The following PMFBP1 variants were observed in gnomAD, a reference collection of about 807,000 sequenced individuals.
PMFBP1 encodes the protein polyamine-modulated factor 1-binding protein 1.
PMFBP1 carries 131 observed loss-of-function variants against 137.8 expected under a neutral mutation model. The ratio of observed to expected loss-of-function variants is 0.95; its 90% confidence interval spans 0.82 to 1.10. The LOEUF is 1.10. Among genes scored for constraint, PMFBP1 ranks in the 50% least tolerant of loss-of-function variants. PMFBP1 has a pLI of 0.00. For synonymous variants in PMFBP1, 490 were observed against 450.4 expected, an observed-to-expected ratio of 1.09 and a Z score of -1.11; for missense variants, 1,199 against 1,175.4, an observed-to-expected ratio of 1.02 and a Z score of -0.29.
intron 5 of PMFBP1, among the ~76,000 whole-genome samples, chr16:72,140,928 CTTTTT>C (rs35908141): frequency 2.9e-5 from 2 of 69,786 alleles, no homozygotes; most frequent in Non-Finnish European, 2.6e-5. Flanking sequence ...ACAAATGAGT[CTTTTT>C]TTTTTTTTTT....
chr16:72,215,720 G>A, the PMFBP1 span, among the ~76,000 whole-genome samples: 2 of 152,138 alleles, frequency 1.3e-5, no homozygotes, highest in African/African-American at 4.8e-5. Context: ...AGTACTCCCT[G>A]TAAAAACACA....
chr16:72,172,338 C>CT, upstream of PMFBP1: 1 of 151,558 alleles, frequency 6.6e-6, no homozygotes, highest in Non-Finnish European at 1.5e-5. Flanking sequence ...CAGTGGCTTA[C>CT]GACCGTGAAG....
chr16:72,208,682 T>C, the PMFBP1 span, among the ~76,000 whole-genome samples: 2 of 152,276 alleles, frequency 1.3e-5, no homozygotes, highest in South Asian at 4.1e-4. Context: ...TTAATTTTTC[T>C]GTGTGATTCG....
At chr16:72,175,859 T>C (rs2144542965), upstream of PMFBP1, among the ~76,000 whole-genome samples, 1 of 152,292 alleles carries the variant, frequency 6.6e-6, no homozygotes, top group Non-Finnish European at 1.5e-5. Flanking sequence ...TTTAAAAATG[T>C]GTGAGCCCCA....
At chr16:72,151,864 C>T (rs1451485267) in intron 4 of PMFBP1, among the ~76,000 whole-genome samples, 19 of 152,168 alleles carry the variant, frequency 1.2e-4, no homozygotes, top group Admixed American at 1.2e-3. Flanking sequence ...GAGGGCTTCT[C>T]TAATACCAGG....
chr16:72,241,339 G>T, the PMFBP1 span, among the ~76,000 whole-genome samples: 3 of 152,146 alleles, frequency 2.0e-5, no homozygotes, highest in Non-Finnish European at 2.9e-5. Flanking sequence ...TCTATTTATA[G>T]GTGTTCACTT....
chr16:72,171,111 A>G, intron 2 of PMFBP1, 86 bp downstream of exon 2: 1 of 1,438,564 alleles, frequency 7.0e-7, no homozygotes, highest in East Asian at 2.3e-5. Context: ...GATGCTTATT[A>G]CTGGAATTTT....
chr16:72,225,298 G>C, the PMFBP1 span, among the ~76,000 whole-genome samples: 2 of 152,150 alleles, frequency 1.3e-5, no homozygotes. Context: ...ATCCATGCTG[G>C]TCATGCACAA....
the PMFBP1 span, among the ~76,000 whole-genome samples, chr16:72,211,251 T>C: frequency 1.3e-5 from 2 of 152,250 alleles, no homozygotes; most frequent in African/African-American, 4.8e-5. Context: ...TAAAAATCAG[T>C]GACCAGAACA....
intron 2 of PMFBP1, among the ~76,000 whole-genome samples, chr16:72,168,838 GA>G (rs2043182201): frequency 6.6e-6 from 1 of 152,196 alleles, no homozygotes; most frequent in Non-Finnish European, 1.5e-5. Context: ...ATAACTATTA[GA>G]AAATAGGTTA....
Position 72,154,350 on chromosome 16 carries a change from A to G in PMFBP1, c.275T>C (p.Val92Ala). 3 of 1,614,188 alleles carry G rather than the reference A, an allele frequency of 1.9e-6. No homozygotes were observed. The highest frequency in any genetic ancestry group is 2.5e-6 in the Non-Finnish European group (3 of 1,180,014). The change falls in exon 4 of 21, where the codon GTC (valine) becomes GCC (alanine). Residue 92 changes from valine (V) to alanine (A), a missense_variant. Physicochemically the swap from Val to Ala is moderately conservative, Grantham distance 64. Coordinates refer to ENST00000237353, the MANE Select transcript of PMFBP1 (RefSeq NM_031293.3). ...QLQQLKKKLL[V>A]LQQELEFHTE... ...GTGAAACTCCAGTTCTTGTTGAAGGACCAGCAATTTTTTCTTCAGTTGCTG... is the reference window on the plus strand; with the variant it reads ...GTGAAACTCCAGTTCTTGTTGAAGGGCCAGCAATTTTTTCTTCAGTTGCTG...
rs750625977 is a variant in PMFBP1, at chr16:72,122,953, T to C, written c.2729A>G (p.Glu910Gly). ...ANEKLGNQLREQVKYIAKLSG... is the reference protein window; with the variant it reads ...ANEKLGNQLRGQVKYIAKLSG... Reference sequence around the variant, plus strand: ...CAGCTTGGCAATGTATTTCACCTGCTCTCGGAGCTGGTTTCCTAGTTTCTC... The same window carrying C: ...CAGCTTGGCAATGTATTTCACCTGCCCTCGGAGCTGGTTTCCTAGTTTCTC... The change falls in exon 19 of 21, where the codon GAG (glutamate) becomes GGG (glycine). Residue 910 changes from glutamate to glycine, a missense_variant. Coordinates refer to ENST00000237353, the MANE Select transcript of PMFBP1 (RefSeq NM_031293.3). The C allele has an allele frequency of 1.9e-6, 3 of 1,613,518 alleles. No individual in the cohort carries two copies. The highest frequency in any genetic ancestry group is 2.5e-6 in the Non-Finnish European group (3 of 1,179,992).
intron 3 of PMFBP1, chr16:72,164,352 C>A (rs941983828): frequency 9.7e-6 from 12 of 1,235,154 alleles, no homozygotes; most frequent in African/African-American, 9.3e-5. Flanking sequence ...CCCCCTGCTA[C>A]CCCAATGGAC....
rs983856757 is a variant in PMFBP1, at chr16:72,119,872, T to C, written c.2986A>G (p.Ile996Val). The change falls in exon 20 of 21, where the codon ATC (isoleucine) becomes GTC (valine). Residue 996 changes from isoleucine (I) to valine (V), a missense_variant. By Grantham distance (29) the Ile-to-Val change is conservative. Coordinates refer to ENST00000237353, the MANE Select transcript of PMFBP1 (RefSeq NM_031293.3). ...MGQRMDLTKY[I>V]GMPHCPGSSY... ...GTACCCGGGCAGTGGGGCATCCCGA[T>C]GTACTTGGTGAGGTCCATTCTTTGA... 2 of 1,614,050 alleles carry C rather than the reference T, an allele frequency of 1.2e-6. No homozygotes were observed. The highest frequency in any genetic ancestry group is 1.3e-5 in the African/African-American group (1 of 74,936).
Position 72,124,106 on chromosome 16 carries a change from G to A in PMFBP1, c.2590-457C>T, listed in dbSNP as rs547107462. Among the ~76,000 whole-genome samples the A allele has an allele frequency of 3.3e-5, 5 of 152,072 alleles. No homozygotes were observed. The South Asian group carries it at 8.3e-4, about 25-fold the overall frequency. On this transcript the variant is annotated intron_variant, in intron 17 of 20. Transcript: ENST00000237353. ...CTCATGGCAGCTTAACCTCCCCCCC[G>A]GCTCAAGCTATCCTCCCACTTAGCC...
At chr16:72,174,796 G>C (rs2043251708), upstream of PMFBP1, among the ~76,000 whole-genome samples, 2 of 152,078 alleles carry the variant, frequency 1.3e-5, no homozygotes, top group Non-Finnish European at 2.9e-5. Context: ...GAACAGCATG[G>C]GGGAAAACAC....
At chr16:72,200,042 C>T in the PMFBP1 span, among the ~76,000 whole-genome samples, 1 of 152,236 alleles carries the variant, frequency 6.6e-6, no homozygotes, top group Non-Finnish European at 1.5e-5. Flanking sequence ...ACATTTGGAT[C>T]TGGAGGGAGA....
Position 72,136,585 on chromosome 16 carries a change from C to T in PMFBP1, c.1066G>A (p.Asp356Asn), listed in dbSNP as rs2042635299. 1 of 1,613,956 alleles carries T rather than the reference C, an allele frequency of 6.2e-7. No homozygotes were observed. The highest frequency in any genetic ancestry group is 1.1e-5 in the South Asian group (1 of 91,064). ...IMKDMMKLELDLHGLREETSA... is the reference protein window; with the variant it reads ...IMKDMMKLELNLHGLREETSA... ...GTCTCCTCCCGCAGTCCGTGCAGGT[C>T]CAGCTCCAGCTTCATCATGTCTACC... is the stretch of plus-strand genomic sequence containing the variant. Residue 356 changes from aspartate to asparagine, a missense_variant, in exon 9 of 21, where the codon GAC (aspartate) becomes AAC (asparagine). Asp to Asn is a conservative substitution (Grantham distance 23, BLOSUM62 1). Coordinates refer to ENST00000237353, the MANE Select transcript of PMFBP1 (RefSeq NM_031293.3).
At chr16:72,120,267 A>C in intron 19 of PMFBP1, 178 bp from the exon 20 acceptor site, 2 of 1,059,732 alleles carry the variant, frequency 1.9e-6, no homozygotes, top group Non-Finnish European at 2.7e-6. Flanking sequence ...CCTGTGAAAG[A>C]AGCCCAGGCC....
Sources: allele counts gnomAD v4.1 joint callset (sites outside exome capture counted in the v4.1 genomes callset), GRCh38; gene constraint gnomAD v4.1.1; transcripts MANE v1.5; gene names NCBI Gene and HGNC (gene_info 2026-07-23, HGNC 2026-07-21).